Variants in TP63 observed in about 807,000 individuals in gnomAD.
TP63 encodes the protein tumor protein 63.
Under a neutral mutation model 82.8 loss-of-function variants are expected in TP63, and 17 were observed. That is an observed-to-expected ratio of 0.21 (90% CI 0.14 to 0.31). TP63 has a LOEUF of 0.31. Ranked by LOEUF, TP63 falls within the 10% of genes least tolerant of loss-of-function variation. TP63 has a pLI of 1.00. For synonymous variants in TP63, 330 were observed against 321.7 expected, an observed-to-expected ratio of 1.03 and a Z score of -0.28; for missense variants, 648 against 895.3, an observed-to-expected ratio of 0.72 and a Z score of 3.52.
chr3:189,613,645 A>C, the TP63 span, among the ~76,000 whole-genome samples: 7 of 152,176 alleles, frequency 4.6e-5, no homozygotes, highest in Non-Finnish European at 1.0e-4. Context: ...CAGCTTGCAT[A>C]GTGCACCTGG....
chr3:189,875,605 T>TATATATATATATATATATACAC (rs1718995386), intron 10 of TP63, among the ~76,000 whole-genome samples: 2 of 58,694 alleles, frequency 3.4e-5, no homozygotes, highest in Non-Finnish European at 3.9e-5. Context: ...TATATATATA[T>TATATATATATATATATATACAC]ATATATATAT....
chr3:189,771,348 A>C (rs1312991880), intron 3 of TP63, among the ~76,000 whole-genome samples: 1 of 129,050 alleles, frequency 7.7e-6, no homozygotes, highest in African/African-American at 3.1e-5. Flanking sequence ...TATTTATATA[A>C]TATATTAAAT....
intron 4 of TP63, chr3:189,829,884 C>G: frequency 2.6e-6 from 1 of 385,180 alleles, no homozygotes; most frequent in Non-Finnish European, 5.2e-6. Flanking sequence ...TTTTTTCAAC[C>G]AAGATAAACA....
intron 3 of TP63, among the ~76,000 whole-genome samples, chr3:189,785,417 G>A (rs905586297): frequency 6.6e-6 from 1 of 152,066 alleles, no homozygotes; most frequent in Non-Finnish European, 1.5e-5. Flanking sequence ...TCTTGTTGAG[G>A]AGAGCGTTAA....
At position 189,867,695 on chromosome 3, in the gene TP63, G is replaced by C. The variant is rs148690454; in HGVS notation, c.883-138G>C. Reference sequence around the variant, plus strand: ...GCAAGATGAAGAAAAATCTACAACAGGGTTCAGAGTTTGCCCTTTTAGGAG... The same window carrying C: ...GCAAGATGAAGAAAAATCTACAACACGGTTCAGAGTTTGCCCTTTTAGGAG... On this transcript the variant is annotated intron_variant, in intron 6 of 13. Transcript: ENST00000264731. The C allele has an allele frequency of 7.3e-3, 5,750 of 787,064 alleles. 27 individuals are homozygous for C. Among genetic ancestry groups the C allele is most frequent in the Non-Finnish European group, 9.7e-3 (4,489 of 462,288 alleles). 48.8% of individuals were successfully genotyped at this position (787,064 alleles called of 1,614,324 possible).
intron 1 of TP63, among the ~76,000 whole-genome samples, chr3:189,715,004 A>T (rs918998874): frequency 1.3e-5 from 2 of 152,170 alleles, no homozygotes; most frequent in African/African-American, 4.8e-5. Context: ...AAAGTTAGGC[A>T]TGGGCATGTG....
chr3:189,647,106 C>T lies in TP63; in HGVS notation c.62+15529C>T, dbSNP rs550974316. Among the ~76,000 whole-genome samples, 274 of 146,800 alleles carry T rather than the reference C, an allele frequency of 1.9e-3. 25 individuals are homozygous for T. The highest frequency in any genetic ancestry group is 0.01 in the Middle Eastern group (3 of 288). On this transcript the variant is annotated intron_variant, in intron 1 of 13. Coordinates refer to ENST00000264731, the MANE Select transcript of TP63 (RefSeq NM_003722.5). ...TAATAGCATTTGTTTAGCACTTGGT[C>T]GCTTCCAAGAACTCCAACAGCCTTA...
chr3:189,734,755 C>T (rs1456653118), intron 1 of TP63, among the ~76,000 whole-genome samples: 1 of 152,148 alleles, frequency 6.6e-6, no homozygotes. Context: ...ATTTTGCCAT[C>T]TACTTCATCC....
Position 189,681,836 on chromosome 3 carries a change from C to G in TP63, c.62+50259C>G, listed in dbSNP as rs1348684445. On this transcript the variant is annotated intron_variant, in intron 1 of 13. Coordinates refer to ENST00000264731, the MANE Select transcript of TP63 (RefSeq NM_003722.5). The stretch of plus-strand genomic sequence containing the variant: ...CCTCATCAAGAAATGACCTCTATCC[C>G]CACAGGCTGGAATCCCTCATTTGTT... 2.6e-5 allele frequency among the ~76,000 whole-genome samples: 4 copies of G among 152,190 alleles called. No individual in the cohort carries two copies. In the East Asian group the frequency reaches 7.7e-4, roughly 29 times the overall value.
chr3:189,675,590 A>AT (rs1245396044), intron 1 of TP63, among the ~76,000 whole-genome samples: 4 of 152,004 alleles, frequency 2.6e-5, no homozygotes, highest in Admixed American at 2.6e-4. Context: ...CAACCCATAG[A>AT]TTTTTTCGCT....
At chr3:189,693,120 G>A (rs79815404) in intron 1 of TP63, among the ~76,000 whole-genome samples, 2,296 of 152,170 alleles carry the variant, frequency 0.015, 51 homozygotes, top group African/African-American at 0.053. Context: ...CATCTACTCC[G>A]TTATGTGGCT....
intron 1 of TP63, among the ~76,000 whole-genome samples, chr3:189,718,157 C>A (rs868082139): frequency 7.9e-5 from 12 of 152,078 alleles, no homozygotes; most frequent in African/African-American, 2.9e-4. Context: ...CTAGGGACAA[C>A]TTTGCAGTGA....
intron 3 of TP63, among the ~76,000 whole-genome samples, chr3:189,796,659 A>G (rs1324138747): frequency 6.6e-6 from 1 of 152,010 alleles, no homozygotes; most frequent in East Asian, 1.9e-4. Flanking sequence ...ACTAAATACA[A>G]CCTCCTTAAA....
At chr3:189,694,774 G>A (rs1027501102) in intron 1 of TP63, among the ~76,000 whole-genome samples, 6 of 115,368 alleles carry the variant, frequency 5.2e-5, no homozygotes, top group Admixed American at 2.1e-4. Context: ...TTTGAAAGGA[G>A]GCCAGTATTT....
intron 4 of TP63, among the ~76,000 whole-genome samples, chr3:189,813,606 T>G (rs1157797906): frequency 1.3e-5 from 2 of 152,018 alleles, no homozygotes; most frequent in East Asian, 1.9e-4. Context: ...TTTTTTTTTT[T>G]GCATTGTTTT....
At chr3:189,675,997 G>A (rs923108581) in intron 1 of TP63, among the ~76,000 whole-genome samples, 1 of 151,676 alleles carries the variant, frequency 6.6e-6, no homozygotes, top group African/African-American at 2.4e-5. Context: ...CATTAGTAAA[G>A]ATTTTATTTT....
upstream of TP63, among the ~76,000 whole-genome samples, chr3:189,630,630 T>C (rs367797735): frequency 3.3e-5 from 5 of 152,292 alleles, no homozygotes; most frequent in East Asian, 9.7e-4. Context: ...CAGAATATTC[T>C]ACAATAATAT....
intron 4 of TP63, among the ~76,000 whole-genome samples, chr3:189,857,821 T>TA (rs71635308): frequency 0.022 from 3,287 of 152,288 alleles, 70 homozygotes; most frequent in Non-Finnish European, 0.028. Context: ...GAATGGCTAT[T>TA]AACAACAAGA....
At chr3:189,631,061 G>T (rs568741235), upstream of TP63, among the ~76,000 whole-genome samples, 38 of 152,228 alleles carry the variant, frequency 2.5e-4, 1 homozygote, top group African/African-American at 8.7e-4. Context: ...GCTGGAGCAG[G>T]GTGGACACTC....
Sources: gnomAD v4.1 joint callset for allele counts (sites outside exome capture counted in the v4.1 genomes callset) on GRCh38, gnomAD v4.1.1 for gene constraint, MANE v1.5 for transcripts, NCBI Gene and HGNC (gene_info 2026-07-23, HGNC 2026-07-21) for gene names.